The following ARHGAP15 variants were observed in gnomAD, a reference collection of about 807,000 sequenced individuals.
The protein encoded by ARHGAP15 is Rho GTPase activating protein 15, also known as rho GTPase-activating protein 15.
ARHGAP15 carries 51 observed loss-of-function variants against 63.7 expected under a neutral mutation model. The observed-to-expected ratio is 0.80, with a 90% CI of 0.64 to 1.01. ARHGAP15 has a LOEUF of 1.01. Ranked by LOEUF, ARHGAP15 falls within the 50% of genes least tolerant of loss-of-function variation. The pLI, the probability that ARHGAP15 is intolerant of heterozygous loss-of-function variation, is 0.00. For missense variants in ARHGAP15, 560 were observed against 564.6 expected, an observed-to-expected ratio of 0.99 and a Z score of 0.08; for synonymous variants, 191 against 193.8, an observed-to-expected ratio of 0.99 and a Z score of 0.12.
intron 10 of ARHGAP15, among the ~76,000 whole-genome samples, chr2:143,530,866 C>A (rs1272822133): frequency 6.6e-6 from 1 of 152,146 alleles, no homozygotes; most frequent in Non-Finnish European, 1.5e-5. Context: ...GCTCTGTTTA[C>A]CTCTCCTTCT....
intron 10 of ARHGAP15, among the ~76,000 whole-genome samples, chr2:143,527,707 A>T (rs1694338339): frequency 6.6e-6 from 1 of 152,070 alleles, no homozygotes; most frequent in Non-Finnish European, 1.5e-5. Context: ...TAAGTACATG[A>T]TGTGCTCCCT....
At chr2:143,202,912 A>G (rs1277832027) in intron 3 of ARHGAP15, among the ~76,000 whole-genome samples, 1 of 152,148 alleles carries the variant, frequency 6.6e-6, no homozygotes, top group African/African-American at 2.4e-5. Flanking sequence ...ATGAATGAAT[A>G]AAGTATTATA....
At chr2:143,565,741 C>T (rs1386516383) in intron 11 of ARHGAP15, among the ~76,000 whole-genome samples, 2 of 152,132 alleles carry the variant, frequency 1.3e-5, no homozygotes, top group African/African-American at 4.8e-5. Context: ...AGTAATTGAA[C>T]ATGTCAGTCA....
At chr2:143,530,008 A>C (rs1234684087) in intron 10 of ARHGAP15, among the ~76,000 whole-genome samples, 1 of 152,154 alleles carries the variant, frequency 6.6e-6, no homozygotes, top group Admixed American at 6.6e-5. Flanking sequence ...TAGGGCCTCA[A>C]TTCATAATGG....
Position 143,539,136 on chromosome 2 carries a change from A to G in ARHGAP15, c.926-17272A>G, listed in dbSNP as rs562571960. On this transcript the variant is annotated intron_variant, in intron 10 of 13. Coordinates refer to ENST00000295095, the MANE Select transcript of ARHGAP15 (RefSeq NM_018460.4). The stretch of plus-strand genomic sequence containing the variant: ...GGTGTATGTGTTGAGGAACTTATCC[A>G]CTTCTTCTAGATTTTCTAGTTTATT... 8.4e-4 allele frequency among the ~76,000 whole-genome samples: 128 copies of G among 152,058 alleles called. 1 individual carries two copies. Among genetic ancestry groups the G allele is most frequent in the Admixed American group, 2.0e-3 (30 of 15,268 alleles).
intron 8 of ARHGAP15, among the ~76,000 whole-genome samples, chr2:143,483,053 A>G (rs1362586378): frequency 6.6e-6 from 1 of 152,234 alleles, no homozygotes; most frequent in Non-Finnish European, 1.5e-5. Flanking sequence ...CTGTCTAATC[A>G]TGTCCAAGAC....
At chr2:143,149,833 T>C (rs370087538) in intron 1 of ARHGAP15, among the ~76,000 whole-genome samples, 142 of 152,170 alleles carry the variant, frequency 9.3e-4, no homozygotes, top group African/African-American at 2.9e-3. Flanking sequence ...TTTTCATTTA[T>C]ACATTCAACA....
At chr2:143,494,777 A>C (rs962688583) in intron 9 of ARHGAP15, among the ~76,000 whole-genome samples, 3 of 152,208 alleles carry the variant, frequency 2.0e-5, no homozygotes, top group African/African-American at 7.2e-5. Context: ...GTTTTGCCTT[A>C]GGGTGGTCTG....
intron 11 of ARHGAP15, among the ~76,000 whole-genome samples, chr2:143,558,608 T>C (rs1270593206): frequency 6.6e-6 from 1 of 152,180 alleles, no homozygotes; most frequent in Non-Finnish European, 1.5e-5. Context: ...CTTTCACAAA[T>C]CTCTAAAAAG....
At chr2:143,703,363 C>G in intron 12 of ARHGAP15, 56 bp from the exon 13 acceptor site, 1 of 1,456,956 alleles carries the variant, frequency 6.9e-7, no homozygotes, top group Non-Finnish European at 9.4e-7. Context: ...TCTCATGTAC[C>G]TGTACCTATG....
At chr2:143,718,779 A>G (rs1249453723) in intron 13 of ARHGAP15, among the ~76,000 whole-genome samples, 1 of 152,194 alleles carries the variant, frequency 6.6e-6, no homozygotes, top group African/African-American at 2.4e-5. Context: ...CTGTCCACAC[A>G]TTTATTCATG....
intron 12 of ARHGAP15, among the ~76,000 whole-genome samples, chr2:143,694,054 C>T (rs1018441393): frequency 1.1e-4 from 17 of 152,040 alleles, no homozygotes; most frequent in African/African-American, 3.4e-4. Context: ...TAAAGTACTG[C>T]GCAGGCTTTA....
intron 6 of ARHGAP15, among the ~76,000 whole-genome samples, chr2:143,393,342 T>G (rs558534578): frequency 6.6e-6 from 1 of 152,272 alleles, no homozygotes; most frequent in African/African-American, 2.4e-5. Flanking sequence ...TTATTAATAT[T>G]ATTAAGAAGA....
intron 12 of ARHGAP15, among the ~76,000 whole-genome samples, chr2:143,680,981 C>A (rs1371963207): frequency 1.2e-4 from 19 of 152,180 alleles, no homozygotes; most frequent in Admixed American, 1.2e-3. Context: ...TTCATAGTAG[C>A]CTGCCAAAAT....
At chr2:143,502,263 G>T (rs993382033) in intron 9 of ARHGAP15, among the ~76,000 whole-genome samples, 6 of 152,006 alleles carry the variant, frequency 3.9e-5, no homozygotes, top group Non-Finnish European at 8.8e-5. Context: ...ACAAAAATTA[G>T]CTGAGTGTGG....
chr2:143,147,232 C>T (rs1171862989), intron 1 of ARHGAP15, among the ~76,000 whole-genome samples: 1 of 152,002 alleles, frequency 6.6e-6, no homozygotes, highest in Admixed American at 6.6e-5. Flanking sequence ...TTTGTTTCCC[C>T]AGTGTTTTCT....
chr2:143,152,625 A>G (rs1369170609), intron 1 of ARHGAP15, among the ~76,000 whole-genome samples: 2 of 152,012 alleles, frequency 1.3e-5, no homozygotes, highest in African/African-American at 4.8e-5. Flanking sequence ...CTGTTGATAG[A>G]AATCTTTAAG....
At chr2:143,226,685 A>T (rs1279585578) in intron 4 of ARHGAP15, among the ~76,000 whole-genome samples, 1 of 152,182 alleles carries the variant, frequency 6.6e-6, no homozygotes, top group Non-Finnish European at 1.5e-5. Flanking sequence ...TCATCTTTTC[A>T]TTATTTAATT....
In ARHGAP15 at chr2:143,519,323, C is replaced by T. The variant is rs377124477; in HGVS notation, c.884C>T (p.Pro295Leu). 8.1e-5 allele frequency: 131 copies of T among 1,612,856 alleles called. No homozygotes were observed. Among genetic ancestry groups the T allele is most frequent in the Admixed American group, 4.8e-4 (29 of 59,954 alleles). Residue 295 changes from proline (P) to leucine (L), a missense_variant, in exon 10 of 14, where the codon CCG (proline) becomes CTG (leucine). Physicochemically the swap from Pro to Leu is moderately conservative, Grantham distance 98 (BLOSUM62 -3). Coordinates refer to ENST00000295095, the MANE Select transcript of ARHGAP15 (RefSeq NM_018460.4). ...TGTGAACGTGAAAATTCCACAGTTC[C>T]GTGGTTTGTAAAGCAATGCATTGAA... is the stretch of plus-strand genomic sequence containing the variant. Reference protein sequence around the residue: ...KVCERENSTVPWFVKQCIEAV... With the variant: ...KVCERENSTVLWFVKQCIEAV...
Sources: allele counts gnomAD v4.1 joint callset (sites outside exome capture counted in the v4.1 genomes callset), GRCh38; gene constraint gnomAD v4.1.1; transcripts MANE v1.5; gene names NCBI Gene and HGNC (gene_info 2026-07-23, HGNC 2026-07-21).